Variants in ZNF516 observed in about 807,000 individuals in gnomAD.
The protein encoded by ZNF516 is zinc finger protein 516.
Under a neutral mutation model 79.7 loss-of-function variants are expected in ZNF516, and 19 were observed. The observed-to-expected ratio is 0.24, with a 90% CI of 0.17 to 0.35. The LOEUF (loss-of-function observed/expected upper bound fraction) is 0.35, where lower values mean the gene tolerates loss of function less well. Ranked by LOEUF, ZNF516 falls within the 10% of genes least tolerant of loss-of-function variation. The pLI, the probability that ZNF516 is intolerant of heterozygous loss-of-function variation, is 1.00. For synonymous variants in ZNF516, 877 were observed against 739.5 expected (o/e 1.19, Z -3.02); for missense variants, 1,678 against 1,679.5 (o/e 1.00, Z 0.02).
chr18:76,408,804 A>C (rs1319981075), intron 3 of ZNF516, among the ~76,000 whole-genome samples: 1 of 152,262 alleles, frequency 6.6e-6, no homozygotes, highest in African/African-American at 2.4e-5. Flanking sequence ...CTCAGTCGAC[A>C]AACATTTTCC....
intron 3 of ZNF516, among the ~76,000 whole-genome samples, chr18:76,418,534 G>A (rs1332836502): frequency 6.6e-6 from 1 of 151,564 alleles, no homozygotes; most frequent in Non-Finnish European, 1.5e-5. Context: ...AACACGCACT[G>A]TAACACACAC....
At chr18:76,391,074 G>A (rs2075066116) in intron 3 of ZNF516, among the ~76,000 whole-genome samples, 1 of 152,132 alleles carries the variant, frequency 6.6e-6, no homozygotes, top group South Asian at 2.1e-4. Flanking sequence ...AGGTACGGAA[G>A]GTGGGGACAC....
intron 1 of ZNF516, among the ~76,000 whole-genome samples, chr18:76,466,485 G>C (rs1411228981): frequency 6.6e-6 from 1 of 152,238 alleles, no homozygotes; most frequent in Non-Finnish European, 1.5e-5. Flanking sequence ...CATCTGTGAG[G>C]CCCACAAGGA....
intron 1 of ZNF516, among the ~76,000 whole-genome samples, chr18:76,468,325 C>T (rs951798344): frequency 6.6e-6 from 1 of 152,120 alleles, no homozygotes; most frequent in African/African-American, 2.4e-5. Context: ...TTGTCCAACC[C>T]GCGGCAGCCC....
intron 2 of ZNF516, among the ~76,000 whole-genome samples, chr18:76,454,206 T>C (rs933988543): frequency 1.3e-5 from 2 of 152,188 alleles, no homozygotes; most frequent in African/African-American, 4.8e-5. Context: ...AAAAATCCCT[T>C]CATTAAGAGC....
chr18:76,440,742 T>TTGTGTGTGTGTGTGTGTGTGTGTG (rs138856557), intron 3 of ZNF516, among the ~76,000 whole-genome samples: 3 of 149,942 alleles, frequency 2.0e-5, no homozygotes, highest in Non-Finnish European at 4.4e-5. Context: ...GTGTGTGTGT[T>TTGTGTGTGTGTGTGTGTGTGTGTG]TGTGTGTGTG....
rs1216348432 is a variant in ZNF516, at chr18:76,374,502, C to T, written c.3260-2931G>A. Among the ~76,000 whole-genome samples, 9 of 152,224 alleles carry T rather than the reference C, an allele frequency of 5.9e-5. No homozygotes were observed. The East Asian group carries it at 1.7e-3, about 29-fold the overall frequency. ...TTTAGACTCTTCATATCTACAGAAACATCACCCGAACACATGTGGGGGCGG... is the reference window on the plus strand; with the variant it reads ...TTTAGACTCTTCATATCTACAGAAATATCACCCGAACACATGTGGGGGCGG... On this transcript the variant is annotated intron_variant, in intron 4 of 6. Coordinates refer to ENST00000443185, the MANE Select transcript of ZNF516 (RefSeq NM_014643.4).
rs2074855941 is a variant in ZNF516, at chr18:76,379,670, C to T, written c.2444G>A (p.Arg815His). The T allele has an allele frequency of 2.5e-6, 4 of 1,613,604 alleles. No individual in the cohort carries two copies. Among genetic ancestry groups the T allele is most frequent in the Non-Finnish European group, 3.4e-6 (4 of 1,179,894 alleles). The change falls in exon 4 of 7, where the codon CGC (arginine) becomes CAC (histidine). Residue 815 changes from arginine (R) to histidine (H), a missense_variant. Physicochemically the swap from Arg to His is conservative, Grantham distance 29 (BLOSUM62 0). Transcript: ENST00000443185. The stretch of plus-strand genomic sequence containing the variant: ...ACCGAGGGCAGGCGGGGGGCCCGTG[C>T]GTCCGCTCCGGGAAAGGAAAACCAA... ...SNLVFLSRSG[R>H]TGPPPALGGK...
chr18:76,436,233 G>A (rs923658005), intron 3 of ZNF516, among the ~76,000 whole-genome samples: 2 of 152,148 alleles, frequency 1.3e-5, no homozygotes, highest in African/African-American at 2.4e-5. Flanking sequence ...GACCCCCTCA[G>A]AATGAGGACA....
intron 3 of ZNF516, among the ~76,000 whole-genome samples, chr18:76,397,640 C>T (rs1454485322): frequency 2.0e-5 from 3 of 152,208 alleles, no homozygotes; most frequent in East Asian, 1.9e-4. Flanking sequence ...CTCTGTCACC[C>T]GGGCTGGAGT....
intron 4 of ZNF516, among the ~76,000 whole-genome samples, chr18:76,373,079 G>C (rs2074732707): frequency 6.6e-6 from 1 of 152,168 alleles, no homozygotes; most frequent in South Asian, 2.1e-4. Flanking sequence ...GAGCTCAGGA[G>C]GTCAAGGCTG....
intron 3 of ZNF516, among the ~76,000 whole-genome samples, chr18:76,403,612 C>A (rs374749855): frequency 6.6e-6 from 1 of 152,170 alleles, no homozygotes; most frequent in South Asian, 2.1e-4. Context: ...AATACAAGAT[C>A]TAGAGTTTCA....
rs1750338516 is a variant in ZNF516, at chr18:76,357,732, G to T, written c.*4766C>A. Among the ~76,000 whole-genome samples, 1 of 152,020 alleles carries T rather than the reference G, an allele frequency of 6.6e-6. No homozygotes were observed. The highest frequency in any genetic ancestry group is 1.5e-5 in the Non-Finnish European group (1 of 67,990). On this transcript the variant is annotated 3_prime_UTR_variant, in exon 7 of 7. Transcript: ENST00000443185. ...CATCTGATGGTCCTGTCTCATTTTT[G>T]CTGTCTCATCAGTAAACCATTGCAA... is the stretch of plus-strand genomic sequence containing the variant.
At chr18:76,424,399 G>A (rs1239588291) in intron 3 of ZNF516, among the ~76,000 whole-genome samples, 5 of 127,624 alleles carry the variant, frequency 3.9e-5, no homozygotes, top group Admixed American at 1.6e-4. Context: ...CGAAACACAC[G>A]CAGGTGAAAA....
At chr18:76,384,987 C>T (rs1048195207) in intron 3 of ZNF516, among the ~76,000 whole-genome samples, 1 of 152,380 alleles carries the variant, frequency 6.6e-6, no homozygotes, top group East Asian at 1.9e-4. Flanking sequence ...CTGGCAGCGG[C>T]CCTGTGCAGA....
chr18:76,418,503 A>T (rs2075465258), intron 3 of ZNF516, among the ~76,000 whole-genome samples: 2 of 152,064 alleles, frequency 1.3e-5, no homozygotes, highest in Non-Finnish European at 2.9e-5. Flanking sequence ...ATACGCTGTA[A>T]CACGCACTGT....
Position 76,379,165 on chromosome 18 carries a change from C to G in ZNF516, c.2949G>C (p.Gln983His), listed in dbSNP as rs1326718726. 6.2e-7 allele frequency: 1 copy of G among 1,612,802 alleles called. No homozygotes were observed. The highest frequency in any genetic ancestry group is 1.3e-5 in the African/African-American group (1 of 74,934). ...CTTCGCCCTTTGCAGGAGGTGGACC[C>G]TGAGGCTGAGCACTGAATTTGGCTT... The part of the protein sequence containing the change: ...SLKAKFSAQP[Q>H]GPPPAKGEGG... Residue 983 changes from glutamine (Q) to histidine (H), a missense_variant, in exon 4 of 7, where the codon CAG becomes CAC. By Grantham distance (24) the Gln-to-His change is conservative. Transcript: ENST00000443185.
At chr18:76,410,993 G>A (rs1230415294) in intron 3 of ZNF516, among the ~76,000 whole-genome samples, 1 of 152,206 alleles carries the variant, frequency 6.6e-6, no homozygotes, top group Non-Finnish European at 1.5e-5. Context: ...AAAACTTTCA[G>A]ATTAAAGAAA....
rs1912839863 is a variant in ZNF516, at chr18:76,458,074, C to CA, written c.-158+4953dup. 2.6e-5 allele frequency among the ~76,000 whole-genome samples: 4 copies of CA among 152,330 alleles called. No homozygotes were observed. The South Asian group carries it at 8.3e-4, about 32-fold the overall frequency. On this transcript the variant is annotated intron_variant, in intron 2 of 6. Transcript: ENST00000443185. ...CCATGGTTTTAAATACGCAGAGGGCCATTTTTCTCCTGACACTTCAATGCC... is the reference window on the plus strand; with the variant it reads ...CCATGGTTTTAAATACGCAGAGGGCCAATTTTTCTCCTGACACTTCAATGCC...
Sources: allele counts gnomAD v4.1 joint callset (sites outside exome capture counted in the v4.1 genomes callset), GRCh38; gene constraint gnomAD v4.1.1; transcripts MANE v1.5; gene names NCBI Gene and HGNC (gene_info 2026-07-23, HGNC 2026-07-21).